CFAP299: variants seen among roughly 807,000 people sequenced by gnomAD.
The protein encoded by CFAP299 is cilia- and flagella-associated protein 299.
Under a neutral mutation model 27.0 loss-of-function variants are expected in CFAP299, and 21 were observed. That is an observed-to-expected ratio of 0.78 (90% CI 0.55 to 1.12). The LOEUF (loss-of-function observed/expected upper bound fraction) is 1.12, where lower values mean the gene tolerates loss of function less well. Ranked by LOEUF, CFAP299 falls within the 50% of genes most tolerant of loss-of-function variation. CFAP299 has a pLI of 0.00. For synonymous variants in CFAP299, 104 were observed against 98.1 expected (o/e 1.06, Z -0.36); for missense variants, 310 against 276.6 (o/e 1.12, Z -0.86).
At chr4:80,390,844 C>T (rs143207505) in intron 2 of CFAP299, among the ~76,000 whole-genome samples, 1,906 of 136,478 alleles carry the variant, frequency 0.014, 79 homozygotes, top group East Asian at 0.1. Flanking sequence ...TATGTATATA[C>T]ACATATATGT....
At chr4:80,574,713 T>C (rs899872050) in intron 2 of CFAP299, among the ~76,000 whole-genome samples, 2 of 152,198 alleles carry the variant, frequency 1.3e-5, no homozygotes, top group Non-Finnish European at 2.9e-5. Context: ...TCAATTGCAA[T>C]GATGATATAG....
intron 2 of CFAP299, among the ~76,000 whole-genome samples, chr4:80,543,845 A>T (rs1460081009): frequency 6.6e-6 from 1 of 152,202 alleles, no homozygotes; most frequent in Non-Finnish European, 1.5e-5. Flanking sequence ...CAGAGAACCC[A>T]TGTGAGATAC....
chr4:80,904,598 G>C (rs1490121263), intron 4 of CFAP299, among the ~76,000 whole-genome samples: 1 of 151,858 alleles, frequency 6.6e-6, no homozygotes, highest in Admixed American at 6.6e-5. Flanking sequence ...TGGAGGGACT[G>C]ATATTAGAGT....
At chr4:80,380,582 C>T (rs1724653220) in intron 2 of CFAP299, among the ~76,000 whole-genome samples, 1 of 151,876 alleles carries the variant, frequency 6.6e-6, no homozygotes, top group South Asian at 2.1e-4. Context: ...TGCATGCCAC[C>T]ACACCTGGCT....
chr4:80,925,968 A>G (rs1224383813), intron 4 of CFAP299, among the ~76,000 whole-genome samples: 2 of 152,054 alleles, frequency 1.3e-5, no homozygotes, highest in Admixed American at 6.6e-5. Flanking sequence ...TTTAGTTTCT[A>G]CAGTAGATTA....
chr4:80,534,828 T>C (rs573681544), intron 2 of CFAP299, among the ~76,000 whole-genome samples: 1 of 152,310 alleles, frequency 6.6e-6, no homozygotes, highest in South Asian at 2.1e-4. Flanking sequence ...AGAGTGTAAA[T>C]GAATTTTCTT....
chr4:80,444,828 A>G (rs928050852), intron 2 of CFAP299, among the ~76,000 whole-genome samples: 2 of 152,218 alleles, frequency 1.3e-5, no homozygotes, highest in Non-Finnish European at 2.9e-5. Context: ...AAACAAATTT[A>G]CAAGAAAAAA....
upstream of CFAP299, chr4:80,335,570 T>G: frequency 1.7e-6 from 1 of 575,668 alleles, no homozygotes; most frequent in Non-Finnish European, 3.1e-6. Context: ...GTATCCGACC[T>G]GAACTTGGGT....
intron 2 of CFAP299, among the ~76,000 whole-genome samples, chr4:80,547,532 TAATTA>T (rs1734295127): frequency 6.6e-6 from 1 of 152,100 alleles, no homozygotes; most frequent in Admixed American, 6.6e-5. Context: ...AAGTGTGACC[TAATTA>T]AATTAAAGAG....
chr4:80,819,414 CTGTT>C (rs1729586118), intron 3 of CFAP299, among the ~76,000 whole-genome samples: 1 of 152,076 alleles, frequency 6.6e-6, no homozygotes, highest in Admixed American at 6.6e-5. Context: ...GTTTTGGAAA[CTGTT>C]GAGCGAATGG....
In CFAP299 at chr4:80,591,442, GAAAC is replaced by G. The variant is rs1223018704; in HGVS notation, c.333+8271_333+8274del. Among the ~76,000 whole-genome samples, 4 of 152,072 alleles carry G rather than the reference GAAAC, an allele frequency of 2.6e-5. No homozygotes were observed. In the South Asian group the frequency reaches 6.2e-4, roughly 24 times the overall value. Reference sequence around the variant, plus strand: ...TTATATCTAGTAACTTGTTTACAAAGAAACAAACAAACAAAAATCATGCAGCGAA... The same window carrying G: ...TTATATCTAGTAACTTGTTTACAAAGAAACAAACAAAAATCATGCAGCGAA... On this transcript the variant is annotated intron_variant, in intron 3 of 5. Coordinates refer to ENST00000358105, the MANE Select transcript of CFAP299 (RefSeq NM_152770.3).
At chr4:80,326,955 T>G in the CFAP299 span, among the ~76,000 whole-genome samples, 1 of 152,224 alleles carries the variant, frequency 6.6e-6, no homozygotes, top group African/African-American at 2.4e-5. Context: ...TTTTTCATCA[T>G]TAAATCTTTA....
chr4:80,922,838 TATAAA>T (rs1271538825), intron 4 of CFAP299, among the ~76,000 whole-genome samples: 1 of 149,182 alleles, frequency 6.7e-6, no homozygotes, highest in Non-Finnish European at 1.5e-5. Flanking sequence ...AAAATATAAA[TATAAA>T]ATATTAGTAT....
At chr4:80,537,237 G>C (rs893847183) in intron 2 of CFAP299, among the ~76,000 whole-genome samples, 1 of 152,052 alleles carries the variant, frequency 6.6e-6, no homozygotes, top group South Asian at 2.1e-4. Context: ...CTGTTGGTGA[G>C]AATATAAATG....
rs1362374357 is a variant in CFAP299 at position 80,416,400 on chromosome 4, C to T, written c.242+53516C>T. Among the ~76,000 whole-genome samples, 7 of 152,192 alleles carry T rather than the reference C, an allele frequency of 4.6e-5. No homozygotes were observed. The East Asian group carries it at 1.3e-3, about 29-fold the overall frequency. On this transcript the variant is annotated intron_variant, in intron 2 of 5. Transcript: ENST00000358105. ...CACAAAAGACCTACTGTCCTCTCCT[C>T]AAAGGTTTATAATTTAGAACATGTA...
chr4:80,425,508 G>C (rs1727491221), intron 2 of CFAP299, among the ~76,000 whole-genome samples: 1 of 152,066 alleles, frequency 6.6e-6, no homozygotes, highest in Admixed American at 6.6e-5. Flanking sequence ...CCTTTTCCTT[G>C]GGGAAGGACT....
At chr4:80,815,332 G>A (rs72881507) in intron 3 of CFAP299, among the ~76,000 whole-genome samples, 1,764 of 149,064 alleles carry the variant, frequency 0.012, 33 homozygotes, top group African/African-American at 0.042. Flanking sequence ...ATATATGCAT[G>A]TGTGTGTGTG....
In CFAP299 at chr4:80,695,707, C is replaced by A. The variant is rs192980906; in HGVS notation, c.333+112524C>A. On this transcript the variant is annotated intron_variant, in intron 3 of 5. Transcript: ENST00000358105. ...TTTTTTTTTGAGACAGGGTCTTGCTCTGTTGCCCAGGCTGGAGTGCAGTGG... is the reference window on the plus strand; with the variant it reads ...TTTTTTTTTGAGACAGGGTCTTGCTATGTTGCCCAGGCTGGAGTGCAGTGG... Among the ~76,000 whole-genome samples, 751 of 139,960 alleles carry A rather than the reference C, an allele frequency of 5.4e-3. 5 individuals carry two copies. The highest frequency in any genetic ancestry group is 0.026 in the Middle Eastern group (6 of 230). 91.8% of individuals were successfully genotyped at this position (139,960 alleles called of 152,430 possible).
At chr4:80,386,999 G>A in intron 2 of CFAP299, 2 of 1,149,140 alleles carry the variant, frequency 1.7e-6, no homozygotes, top group Non-Finnish European at 2.6e-6. Flanking sequence ...CCCCACTGCG[G>A]TGGGTTGGCA....
Sources: allele counts gnomAD v4.1 joint callset (sites outside exome capture counted in the v4.1 genomes callset), GRCh38; gene constraint gnomAD v4.1.1; transcripts MANE v1.5; gene names NCBI Gene and HGNC (gene_info 2026-07-23, HGNC 2026-07-21).